The following GLDC variants were observed in gnomAD, a reference collection of about 807,000 sequenced individuals.
GLDC encodes the protein glycine dehydrogenase (decarboxylating), mitochondrial.
In GLDC, 104 loss-of-function variants were observed where a neutral mutation model predicts 121.3. The ratio of observed to expected loss-of-function variants is 0.86; its 90% CI spans 0.73 to 1.01. The LOEUF is 1.01. GLDC is among the 50% of genes least tolerant of loss of function. The pLI, the probability that GLDC is intolerant of heterozygous loss-of-function variation, is 0.00. For missense variants in GLDC, 1,429 were observed against 1,306.6 expected, an observed-to-expected ratio of 1.09 and a Z score of -1.44; for synonymous variants, 546 against 480.6, an observed-to-expected ratio of 1.14 and a Z score of -1.78.
chr9:6,590,956 A>C (rs1269625702), intron 11 of GLDC, among the ~76,000 whole-genome samples: 2 of 152,246 alleles, frequency 1.3e-5, no homozygotes, highest in Non-Finnish European at 2.9e-5. Flanking sequence ...AGCACCACTC[A>C]GCACTCTGGA....
intron 3 of GLDC, among the ~76,000 whole-genome samples, chr9:6,616,113 T>C (rs1170396587): frequency 6.6e-6 from 1 of 152,234 alleles, no homozygotes; most frequent in Non-Finnish European, 1.5e-5. Flanking sequence ...ATCAGTATTT[T>C]CAATGACCCA....
chr9:6,575,427 G>C (rs546128594), intron 15 of GLDC, among the ~76,000 whole-genome samples: 57 of 152,246 alleles, frequency 3.7e-4, no homozygotes, highest in African/African-American at 1.3e-3. Context: ...GCATCACCTG[G>C]GGATTTGTTA....
intron 22 of GLDC, among the ~76,000 whole-genome samples, chr9:6,538,551 C>CACTATGTGTTGAGTGCCT (rs1351924916): frequency 2.0e-5 from 3 of 152,178 alleles, no homozygotes; most frequent in African/African-American, 7.2e-5. Flanking sequence ...CATTTATTAA[C>CACTATGTGTTGAGTGCCT]ACTATGTGTT....
chr9:6,562,236 C>G (rs1277051407), intron 16 of GLDC, among the ~76,000 whole-genome samples: 1 of 152,134 alleles, frequency 6.6e-6, no homozygotes, highest in Non-Finnish European at 1.5e-5. Context: ...CCAAAGTAAA[C>G]TCATAAATCA....
At chr9:6,575,107 G>A (rs1818038010) in intron 15 of GLDC, among the ~76,000 whole-genome samples, 1 of 151,792 alleles carries the variant, frequency 6.6e-6, no homozygotes. Context: ...TTGGGAGGCT[G>A]AGGCAGGAAA....
At chr9:6,592,712 A>G (rs890175254) in intron 10 of GLDC, 139 bp downstream of exon 10, 16 of 766,168 alleles carry the variant, frequency 2.1e-5, no homozygotes, top group Non-Finnish European at 3.2e-5. Context: ...TGCATAATGT[A>G]AATAACACTT....
At chr9:6,535,624 G>A (rs1375051403) in intron 23 of GLDC, among the ~76,000 whole-genome samples, 1 of 152,104 alleles carries the variant, frequency 6.6e-6, no homozygotes, top group African/African-American at 2.4e-5. Context: ...TTTGGAAGCG[G>A]CAGAGTAATG....
At chr9:6,549,223 C>T (rs374202817) in intron 21 of GLDC, among the ~76,000 whole-genome samples, 4 of 152,220 alleles carry the variant, frequency 2.6e-5, no homozygotes, top group Non-Finnish European at 5.9e-5. Flanking sequence ...CCTTATTATG[C>T]GTCATCACGT....
chr9:6,639,659 T>TA (rs202066422), intron 2 of GLDC: 14,075 of 267,956 alleles, frequency 0.053, 767 homozygotes, highest in East Asian at 0.17. Context: ...CTTTTCACCA[T>TA]AAAAAAAAAG....
intron 2 of GLDC, among the ~76,000 whole-genome samples, chr9:6,632,243 G>T (rs1176165580): frequency 6.6e-6 from 1 of 152,196 alleles, no homozygotes; most frequent in Non-Finnish European, 1.5e-5. Context: ...TCATGATGAT[G>T]AATCAATGCA....
intron 2 of GLDC, among the ~76,000 whole-genome samples, chr9:6,638,249 G>T (rs779219415): frequency 2.0e-5 from 3 of 151,198 alleles, no homozygotes; most frequent in Non-Finnish European, 2.9e-5. Flanking sequence ...TCTCACTGTC[G>T]CCCAGGCTGG....
intron 16 of GLDC, among the ~76,000 whole-genome samples, chr9:6,560,185 G>A (rs1202792496): frequency 6.6e-6 from 1 of 152,166 alleles, no homozygotes; most frequent in Non-Finnish European, 1.5e-5. Context: ...AAAGCATCAA[G>A]GAGAAGCCAT....
At chr9:6,540,524 C>T (rs147674798) in intron 21 of GLDC, 6 of 236,942 alleles carry the variant, frequency 2.5e-5, no homozygotes, top group Non-Finnish European at 4.2e-5. Context: ...AGTCCTGATC[C>T]TTTTATACAA....
intron 21 of GLDC, chr9:6,540,477 A>G (rs1300100447): frequency 2.9e-6 from 1 of 347,122 alleles, no homozygotes; most frequent in Non-Finnish European, 5.5e-6. Flanking sequence ...TATTCTGCGG[A>G]CATAAAATCT....
intron 15 of GLDC, among the ~76,000 whole-genome samples, chr9:6,583,469 G>C (rs1446491832): frequency 1.3e-5 from 2 of 152,146 alleles, no homozygotes; most frequent in African/African-American, 4.8e-5. Context: ...CAGGTCAGGA[G>C]TTCCAGACCA....
At chr9:6,574,017 A>G (rs1269393991) in intron 15 of GLDC, among the ~76,000 whole-genome samples, 1 of 152,188 alleles carries the variant, frequency 6.6e-6, no homozygotes, top group Non-Finnish European at 1.5e-5. Context: ...ACCCCTCAAC[A>G]CAACACTCTG....
At chr9:6,583,232 C>G (rs755084884) in intron 15 of GLDC, among the ~76,000 whole-genome samples, 1 of 152,030 alleles carries the variant, frequency 6.6e-6, no homozygotes, top group Non-Finnish European at 1.5e-5. Flanking sequence ...AAAATAAAAA[C>G]TGAAAGCAGG....
At chr9:6,618,442 C>T (rs961362979) in intron 3 of GLDC, among the ~76,000 whole-genome samples, 2 of 151,962 alleles carry the variant, frequency 1.3e-5, no homozygotes, top group South Asian at 2.1e-4. Flanking sequence ...CAACTAGCTG[C>T]GATTACAGGC....
At chr9:6,572,765 C>A (rs1163864025) in intron 15 of GLDC, among the ~76,000 whole-genome samples, 3 of 152,164 alleles carry the variant, frequency 2.0e-5, no homozygotes, top group Non-Finnish European at 4.4e-5. Context: ...CCAGCTTTTC[C>A]ATCAACTCTG....
Sources: allele counts gnomAD v4.1 joint callset (sites outside exome capture counted in the v4.1 genomes callset), GRCh38; gene constraint gnomAD v4.1.1; transcripts MANE v1.5; gene names NCBI Gene and HGNC (gene_info 2026-07-23, HGNC 2026-07-21).